Variants in CLIP1 observed in about 807,000 individuals in gnomAD.
CLIP1 encodes the protein CAP-Gly domain containing linker protein 1, also known as CAP-Gly domain-containing linker protein 1.
CLIP1 carries 66 observed loss-of-function variants against 161.6 expected under a neutral mutation model. The ratio of observed to expected loss-of-function variants is 0.41; its 90% CI spans 0.33 to 0.50. CLIP1 has a LOEUF of 0.50. Ranked by LOEUF, CLIP1 falls within the 20% of genes least tolerant of loss-of-function variation. The pLI is 0.27. For synonymous variants in CLIP1, 598 were observed against 626.2 expected (o/e 0.96, Z 0.67); for missense variants, 1,376 against 1,702.0 (o/e 0.81, Z 3.37).
intron 1 of CLIP1, among the ~76,000 whole-genome samples, chr12:122,398,307 T>C (rs910096316): frequency 7.2e-4 from 108 of 149,196 alleles, no homozygotes; most frequent in Non-Finnish European, 7.7e-4. Context: ...CAGGCGCCTG[T>C]AATACCAGCT....
intron 1 of CLIP1, among the ~76,000 whole-genome samples, chr12:122,390,267 C>CATATATATATACATATATAT (rs1383757688): frequency 2.8e-5 from 2 of 71,288 alleles, no homozygotes; most frequent in African/African-American, 7.7e-5. Context: ...TATACACACA[C>CATATATATATACATATATAT]ATATATATAT....
intron 23 of CLIP1, 133 bp from the exon 24 acceptor site, chr12:122,278,336 TTTCA>T: frequency 1.3e-6 from 1 of 794,692 alleles, no homozygotes; most frequent in Non-Finnish European, 2.1e-6. Context: ...GATGCACCAC[TTTCA>T]GCACATGTGG....
At chr12:122,387,433 C>G (rs1955324434) in intron 1 of CLIP1, among the ~76,000 whole-genome samples, 1 of 146,316 alleles carries the variant, frequency 6.8e-6, no homozygotes, top group Non-Finnish European at 1.5e-5. Context: ...TTTTACATCA[C>G]AAGTGCTTGT....
intron 20 of CLIP1, among the ~76,000 whole-genome samples, chr12:122,298,912 G>A (rs2136395089): frequency 6.6e-6 from 1 of 152,240 alleles, no homozygotes; most frequent in Non-Finnish European, 1.5e-5. Flanking sequence ...CTGAGATCGC[G>A]CCACTGCACT....
At chr12:122,318,245 A>G (rs1411914044) in intron 18 of CLIP1, among the ~76,000 whole-genome samples, 1 of 152,126 alleles carries the variant, frequency 6.6e-6, no homozygotes, top group Non-Finnish European at 1.5e-5. Context: ...TACTTTTAAA[A>G]GTATCTGGGC....
intron 17 of CLIP1, among the ~76,000 whole-genome samples, 166 bp from the exon 18 acceptor site, chr12:122,319,514 A>G (rs543989678): frequency 1.3e-5 from 2 of 152,380 alleles, no homozygotes; most frequent in East Asian, 3.9e-4. Context: ...ACGGACCAGG[A>G]CAGGAAAGGT....
chr12:122,396,231 C>T (rs1406435013), intron 1 of CLIP1, among the ~76,000 whole-genome samples: 1 of 152,092 alleles, frequency 6.6e-6, no homozygotes, highest in Admixed American at 6.6e-5. Context: ...CCAATATTTA[C>T]CCTGTTTACT....
In CLIP1 at chr12:122,377,856, C is replaced by T; in HGVS notation, c.190G>A (p.Val64Ile). 1 of 1,614,022 alleles carries T rather than the reference C, an allele frequency of 6.2e-7. No homozygotes were observed. Among genetic ancestry groups the T allele is most frequent in the Non-Finnish European group, 8.5e-7 (1 of 1,180,008 alleles). The change falls in exon 3 of 26, where the codon GTT becomes ATT. Residue 64 changes from valine (V) to isoleucine (I), a missense_variant. By Grantham distance (29) the Val-to-Ile change is conservative. Transcript: ENST00000620786. ...FVDDFRVGER[V>I]WVNGNKPGFI... ...CCAGGCTTATTTCCATTCACCCAAA[C>T]TCGCTCCCCAACTCGAAAGTCATCC...
At chr12:122,341,762 C>CCTTTTTTTTTTTTTTTTTTT (rs1566143047) in intron 10 of CLIP1, 65 bp from the exon 11 acceptor site, 3 of 96,030 alleles carry the variant, frequency 3.1e-5, no homozygotes, top group East Asian at 3.6e-4. Flanking sequence ...ATTTTCTTTT[C>CCTTTTTTTTTTTTTTTTTTT]TTTTTTTTTT....
intron 1 of CLIP1, among the ~76,000 whole-genome samples, chr12:122,392,128 G>A (rs1388720296): frequency 6.6e-6 from 1 of 152,116 alleles, no homozygotes; most frequent in Non-Finnish European, 1.5e-5. Flanking sequence ...CAAATTAACT[G>A]TGTGTGGTGG....
Position 122,341,194 on chromosome 12 carries a change from G to C in CLIP1, c.2010C>G (p.Tyr670Ter). The change falls in exon 11 of 26, where the codon TAC becomes TAG. Residue 670 changes from tyrosine (Y) to a stop codon, truncating the protein, a stop_gained. Transcript: ENST00000620786. LOFTEE classifies it high-confidence loss of function. ...KTQIEKMRLD[Y>*]QHEIENLQNQ... ...TCTGCAAATTTTCTATTTCGTGTTG[G>C]TAATCTAGTCTCATTTTCTCTATTT... The C allele has an allele frequency of 6.2e-7, 1 of 1,614,072 alleles. No individual in the cohort carries two copies. The highest frequency in any genetic ancestry group is 1.1e-5 in the South Asian group (1 of 91,072).
At chr12:122,328,611 G>C (rs1332528887) in intron 15 of CLIP1, among the ~76,000 whole-genome samples, 185 bp from the exon 16 acceptor site, 2 of 152,082 alleles carry the variant, frequency 1.3e-5, no homozygotes, top group Non-Finnish European at 2.9e-5. Flanking sequence ...GGGGGGCGGA[G>C]TCTCGCTCTG....
At chr12:122,381,397 T>C (rs994737191) in intron 1 of CLIP1, among the ~76,000 whole-genome samples, 20 of 152,186 alleles carry the variant, frequency 1.3e-4, no homozygotes, top group Admixed American at 1.2e-3. Flanking sequence ...AATTACCTTG[T>C]TTCTATCTAG....
At chr12:122,346,254 T>C (rs1203090634) in intron 10 of CLIP1, among the ~76,000 whole-genome samples, 3 of 152,196 alleles carry the variant, frequency 2.0e-5, no homozygotes, top group Non-Finnish European at 2.9e-5. Flanking sequence ...TGCGCCTCAG[T>C]GTTCTTGTCT....
chr12:122,346,574 C>G (rs1952759282), intron 10 of CLIP1, among the ~76,000 whole-genome samples: 1 of 152,182 alleles, frequency 6.6e-6, no homozygotes, highest in Non-Finnish European at 1.5e-5. Context: ...ACGATCTCAG[C>G]TCATTGCAAA....
At chr12:122,363,899 T>C in intron 4 of CLIP1, 84 bp downstream of exon 4, 7 of 1,574,994 alleles carry the variant, frequency 4.4e-6, no homozygotes, top group Non-Finnish European at 6.1e-6. Context: ...CAACTTTCCA[T>C]GTTATGATAC....
intron 20 of CLIP1, among the ~76,000 whole-genome samples, chr12:122,306,204 C>T (rs1280306311): frequency 6.6e-6 from 1 of 152,008 alleles, no homozygotes; most frequent in Non-Finnish European, 1.5e-5. Flanking sequence ...CTTCCTTGGT[C>T]CTCAGCTTGC....
At chr12:122,365,982 C>T (rs1201124508) in intron 3 of CLIP1, among the ~76,000 whole-genome samples, 2 of 151,944 alleles carry the variant, frequency 1.3e-5, no homozygotes, top group Non-Finnish European at 2.9e-5. Context: ...GCACTCCAGC[C>T]TGGGTGACAG....
chr12:122,292,927 C>A (rs369849371), intron 20 of CLIP1, among the ~76,000 whole-genome samples: 1 of 144,736 alleles, frequency 6.9e-6, no homozygotes, highest in Non-Finnish European at 1.5e-5. Context: ...GGCATGAACC[C>A]GGGAGGCGGA....
Sources: gnomAD v4.1 joint callset for allele counts (sites outside exome capture counted in the v4.1 genomes callset) on GRCh38, gnomAD v4.1.1 for gene constraint, MANE v1.5 for transcripts, NCBI Gene and HGNC (gene_info 2026-07-23, HGNC 2026-07-21) for gene names.